Variants in PTK2 observed in about 807,000 individuals in gnomAD.
PTK2 encodes the protein protein tyrosine kinase 2, also known as focal adhesion kinase 1.
PTK2 carries 45 observed loss-of-function variants against 150.1 expected under a neutral mutation model. The observed-to-expected ratio is 0.30, with a 90% CI of 0.24 to 0.38. The LOEUF (loss-of-function observed/expected upper bound fraction) is 0.38. Ranked by LOEUF, PTK2 falls within the 10% of genes least tolerant of loss-of-function variation. The pLI, the probability that PTK2 is intolerant of heterozygous loss-of-function variation, is 1.00. For synonymous variants in PTK2, 432 were observed against 449.2 expected (o/e 0.96, Z 0.48); for missense variants, 919 against 1,307.3 (o/e 0.70, Z 4.58).
chr8:140,717,314 C>A (rs2100040237), intron 23 of PTK2, among the ~76,000 whole-genome samples: 1 of 152,180 alleles, frequency 6.6e-6, no homozygotes, highest in African/African-American at 2.4e-5. Context: ...AAAGGAAAAA[C>A]CTCCTCCAAG....
Position 140,702,563 on chromosome 8 carries a change from G to A in PTK2, c.2367+7C>T, listed in dbSNP as rs1480118252. On this transcript the variant is annotated splice_region_variant and intron_variant, in intron 25 of 31. Transcript: ENST00000522684. ...TAACAAACTGAAGCCCAAGACACCCGATTTACCTCCACATTGGGCTGCCAC... is the reference window on the plus strand; with the variant it reads ...TAACAAACTGAAGCCCAAGACACCCAATTTACCTCCACATTGGGCTGCCAC... 12 of 1,612,748 alleles carry A rather than the reference G, an allele frequency of 7.4e-6. No individual in the cohort carries two copies. Among genetic ancestry groups the A allele is most frequent in the Non-Finnish European group, 1.0e-5 (12 of 1,179,420 alleles).
chr8:140,999,225 G>A (rs1271173644), intron 1 of PTK2, among the ~76,000 whole-genome samples: 10 of 152,192 alleles, frequency 6.6e-5, no homozygotes. Context: ...ACTGAATGAT[G>A]TATGGGTCCT....
At chr8:140,890,497 T>C (rs751755087) in intron 3 of PTK2, 46 bp downstream of exon 3, 2 of 1,500,110 alleles carry the variant, frequency 1.3e-6, no homozygotes, top group East Asian at 2.3e-5. Context: ...CATTACATTT[T>C]AACCTAAATA....
intron 26 of PTK2, among the ~76,000 whole-genome samples, chr8:140,694,903 C>CA (rs1185972220): frequency 3.3e-5 from 5 of 152,360 alleles, no homozygotes; most frequent in African/African-American, 1.2e-4. Context: ...AACCGACACA[C>CA]ACTACCTTCC....
chr8:140,960,377 T>C (rs1433594674), intron 1 of PTK2, among the ~76,000 whole-genome samples: 1 of 151,842 alleles, frequency 6.6e-6, no homozygotes, highest in East Asian at 1.9e-4. Flanking sequence ...ATCCAGCTAA[T>C]TTTTGTATTT....
chr8:140,891,371 G>A (rs192900045), intron 2 of PTK2, among the ~76,000 whole-genome samples: 1 of 152,244 alleles, frequency 6.6e-6, no homozygotes, highest in East Asian at 1.9e-4. Flanking sequence ...TTCTATTTGA[G>A]TTTGAAGAAA....
chr8:140,920,776 T>C, intron 2 of PTK2: 1 of 1,424,128 alleles, frequency 7.0e-7, no homozygotes, highest in South Asian at 1.5e-5. Context: ...AAAGCATGAA[T>C]TCAAATAAAA....
chr8:140,871,981 G>T (rs2100142799), intron 4 of PTK2, among the ~76,000 whole-genome samples: 1 of 152,050 alleles, frequency 6.6e-6, no homozygotes, highest in Admixed American at 6.5e-5. Flanking sequence ...GGCCAAGGTG[G>T]GCAGATCATG....
chr8:140,755,682 G>A (rs1228990416), intron 16 of PTK2, among the ~76,000 whole-genome samples: 1 of 151,930 alleles, frequency 6.6e-6, no homozygotes, highest in Non-Finnish European at 1.5e-5. Context: ...CGTCTTTTTT[G>A]CCTGTCAACT....
chr8:140,869,207 T>C (rs1427527648), intron 4 of PTK2, among the ~76,000 whole-genome samples: 4 of 132,774 alleles, frequency 3.0e-5, no homozygotes, highest in African/African-American at 1.1e-4. Flanking sequence ...CACTTGAAAC[T>C]AATTTTAAAG....
intron 1 of PTK2, among the ~76,000 whole-genome samples, chr8:140,965,546 T>C (rs1449788634): frequency 6.6e-6 from 1 of 152,216 alleles, no homozygotes; most frequent in African/African-American, 2.4e-5. Context: ...ATTAAAATTT[T>C]GCCTTTTCTG....
At chr8:140,960,235 GT>G (rs2100182685) in intron 1 of PTK2, among the ~76,000 whole-genome samples, 1 of 111,100 alleles carries the variant, frequency 9.0e-6, no homozygotes, top group Non-Finnish European at 1.6e-5. Context: ...GTCTCACTCT[GT>G]CACCCAGGCT....
chr8:140,794,491 TC>T (rs934081776), intron 12 of PTK2, among the ~76,000 whole-genome samples: 5 of 151,178 alleles, frequency 3.3e-5, no homozygotes, highest in African/African-American at 1.2e-4. Context: ...TCTAATCAGT[TC>T]CCCCCCACCC....
chr8:140,746,892 CTTTTTTT>C (rs369382658), intron 17 of PTK2, 32 bp from the exon 21 acceptor site: 17 of 989,780 alleles, frequency 1.7e-5, no homozygotes, highest in East Asian at 2.8e-5. Flanking sequence ...GTTATTCTTT[CTTTTTTT>C]TTTTTTTTTT....
In PTK2 at chr8:140,819,368, G is replaced by GA. The variant is rs1566977624; in HGVS notation, c.649-349dup. 4.6e-5 allele frequency among the ~76,000 whole-genome samples: 7 copies of GA among 151,950 alleles called. No individual in the cohort carries two copies. The South Asian group carries it at 1.5e-3, about 32-fold the overall frequency. ...ACTTGCACATTCCACTGTTAGGAGG[G>GA]AAAAAAACAGTATATCTTTCTGAAG... On this transcript the variant is annotated intron_variant, in intron 8 of 31. Transcript: ENST00000522684.
chr8:140,879,158 C>T (rs1004794865), intron 4 of PTK2: 15 of 203,100 alleles, frequency 7.4e-5, no homozygotes, highest in Non-Finnish European at 8.8e-5. Flanking sequence ...TACACACACA[C>T]ATATATATAT....
At chr8:140,837,937 C>T (rs1279280972) in intron 7 of PTK2, among the ~76,000 whole-genome samples, 3 of 151,864 alleles carry the variant, frequency 2.0e-5, no homozygotes, top group African/African-American at 4.8e-5. Flanking sequence ...TGGTGGGCAC[C>T]TGCAATCCCA....
At chr8:140,814,326 C>T (rs755603471) in intron 10 of PTK2, among the ~76,000 whole-genome samples, 7 of 152,174 alleles carry the variant, frequency 4.6e-5, no homozygotes, top group Non-Finnish European at 5.9e-5. Context: ...TATTCTGATA[C>T]CAAAACCTGG....
chr8:140,717,662 A>C (rs767962744), exon 23 of PTK2: 2 of 1,614,118 alleles, frequency 1.2e-6, no homozygotes, highest in Non-Finnish European at 1.7e-6. Flanking sequence ...TCTGGACTCC[A>C]TCCTCATGCG....
Sources: gnomAD v4.1 joint callset for allele counts (sites outside exome capture counted in the v4.1 genomes callset) on GRCh38, gnomAD v4.1.1 for gene constraint, MANE v1.5 for transcripts, NCBI Gene and HGNC (gene_info 2026-07-23, HGNC 2026-07-21) for gene names.